Variants in STAT5B observed in about 807,000 individuals in gnomAD.
The protein encoded by STAT5B is transcription factor STAT5B.
A neutral mutation model predicts 107.8 loss-of-function variants in STAT5B; 21 were observed. The ratio of observed to expected loss-of-function variants is 0.19; its 90% CI spans 0.14 to 0.28. The LOEUF (loss-of-function observed/expected upper bound fraction) is 0.28, where lower values mean the gene tolerates loss of function less well. STAT5B is among the 10% of genes least tolerant of loss of function. The pLI is 1.00. For missense variants in STAT5B, 565 were observed against 1,008.2 expected, an observed-to-expected ratio of 0.56 and a Z score of 5.95; for synonymous variants, 325 against 401.7, an observed-to-expected ratio of 0.81 and a Z score of 2.28.
rs1311374317 is a variant in STAT5B, at chr17:42,207,495, A to G, written c.2077+63T>C. On this transcript the variant is annotated intron_variant, in intron 16 of 18. Transcript: ENST00000293328. ...ATAACACACGCAGGTATGCACACAC[A>G]CACACACACACACACACACACACAC... The G allele has an allele frequency of 1.9e-3, 2,451 of 1,305,042 alleles. 25 individuals carry two copies. In the African/African-American group the frequency reaches 0.034, roughly 18 times the overall value. The allele number at this position is 1,305,042 out of a possible 1,614,324, so 80.8% of individuals were successfully genotyped here.
chr17:42,264,655 C>A (rs1213380323), intron 1 of STAT5B, among the ~76,000 whole-genome samples: 2 of 151,760 alleles, frequency 1.3e-5, no homozygotes, highest in Non-Finnish European at 2.9e-5. Flanking sequence ...GTGAATACTG[C>A]CGCAATAAAC....
At chr17:42,265,730 T>C (rs1186679583) in intron 1 of STAT5B, among the ~76,000 whole-genome samples, 1 of 152,110 alleles carries the variant, frequency 6.6e-6, no homozygotes, top group African/African-American at 2.4e-5. Context: ...TTTCAACCAA[T>C]GAGTATGAAA....
At chr17:42,228,050 T>C (rs1341692200) in intron 2 of STAT5B, among the ~76,000 whole-genome samples, 3 of 152,124 alleles carry the variant, frequency 2.0e-5, no homozygotes, top group African/African-American at 7.2e-5. Flanking sequence ...AATTTCCTAT[T>C]TATAGTTACC....
chr17:42,276,211 C>G lies in STAT5B; in HGVS notation c.-11+37G>C, dbSNP rs2144450381. 6.8e-6 allele frequency: 1 copy of G among 147,990 alleles called. No homozygotes were observed. Among genetic ancestry groups the G allele is most frequent in the Admixed American group, 6.7e-5 (1 of 14,914 alleles). 9.2% of individuals were successfully genotyped at this position (147,990 alleles called of 1,614,324 possible). ...GGGCTGGCTCCCCGGCCTGGCTCCC[C>G]CGGCCCCGGGCCCAGGGCTCGCCCC... On this transcript the variant is annotated intron_variant, in intron 1 of 18. Transcript: ENST00000293328. The surrounding 1 kb of genome is among the most constrained non-coding windows in gnomAD (Gnocchi z 4.8).
At position 42,227,603 on chromosome 17, in the gene STAT5B, T is replaced by C. The variant is rs1274658503; in HGVS notation, c.211A>G (p.Lys71Glu). Residue 71 changes from lysine (K) to glutamate (E), a missense_variant, in exon 3 of 19, where the codon AAG becomes GAG. Transcript: ENST00000293328. Reference sequence around the variant, plus strand: ...TCTTCCCCCACCTGGTGCTCTGCCTTCTTCTGCAGCTCCTGCACCAGGCCC... The same window carrying C: ...TCTTCCCCCACCTGGTGCTCTGCCTCCTTCTGCAGCTCCTGCACCAGGCCC... The part of the protein sequence containing the change: ...LEGLVQELQK[K>E]AEHQVGEDGF... 1 of 1,613,944 alleles carries C rather than the reference T, an allele frequency of 6.2e-7. No homozygotes were observed. The highest frequency in any genetic ancestry group is 1.3e-5 in the African/African-American group (1 of 74,982).
chr17:42,202,450 G>C lies in STAT5B; in HGVS notation c.2130-3C>G, dbSNP rs746119686. On this transcript the variant is annotated splice_region_variant and splice_polypyrimidine_tract_variant and intron_variant, in intron 17 of 18. Coordinates refer to ENST00000293328, the MANE Select transcript of STAT5B (RefSeq NM_012448.4). ...CATCTGCAGATGCGTTCACAAACCT[G>C]CAGAAGGAAGAGAACAGAGCTTCAG... The C allele has an allele frequency of 6.2e-7, 1 of 1,613,818 alleles. No individual in the cohort carries two copies. Among genetic ancestry groups the C allele is most frequent in the East Asian group, 2.2e-5 (1 of 44,888 alleles).
chr17:42,217,104 A>G, intron 11 of STAT5B, 56 bp downstream of exon 11: 2 of 1,574,856 alleles, frequency 1.3e-6, no homozygotes, highest in East Asian at 2.4e-5. Flanking sequence ...TTGTAACATA[A>G]AGTACACCAC....
At chr17:42,212,491 C>T (rs1409081529) in intron 12 of STAT5B, among the ~76,000 whole-genome samples, 1 of 152,218 alleles carries the variant, frequency 6.6e-6, no homozygotes, top group East Asian at 1.9e-4. Context: ...TAACCAAGGT[C>T]TGGCTCTTAG....
chr17:42,201,747 T>G lies in STAT5B; in HGVS notation c.2355A>C (p.Ala785=), dbSNP rs2080046047. 2 of 1,604,910 alleles carry G rather than the reference T, an allele frequency of 1.2e-6. No homozygotes were observed. The highest frequency in any genetic ancestry group is 1.7e-6 in the Non-Finnish European group (2 of 1,171,610). The part of the protein sequence containing the change: ...RPMDSQWIPH[A]QS Reference sequence around the variant, plus strand: ...TGGAGAGGTCGCGGGGTCACGATTGTGCGTGCGGGATCCACTGACTGTCCA... The same window carrying G: ...TGGAGAGGTCGCGGGGTCACGATTGGGCGTGCGGGATCCACTGACTGTCCA... Residue 785 remains alanine, a synonymous_variant, in exon 19 of 19, where the codon GCA becomes GCC. Transcript: ENST00000293328.
At chr17:42,203,773 C>A (rs527813889) in intron 16 of STAT5B, among the ~76,000 whole-genome samples, 1 of 151,886 alleles carries the variant, frequency 6.6e-6, no homozygotes, top group East Asian at 1.9e-4. Context: ...ATTACAGGTG[C>A]GCACCACCAT....
At chr17:42,210,054 T>G in intron 15 of STAT5B, 117 bp downstream of exon 15, 1 of 1,467,898 alleles carries the variant, frequency 6.8e-7, no homozygotes, top group Non-Finnish European at 9.4e-7. Flanking sequence ...TATACATTTA[T>G]GTTTCCCATA....
intron 1 of STAT5B, among the ~76,000 whole-genome samples, chr17:42,244,310 T>A (rs1375130924): frequency 6.6e-6 from 1 of 150,702 alleles, no homozygotes; most frequent in East Asian, 1.9e-4. Flanking sequence ...AGGCTGGTCA[T>A]GAACTCCTGG....
In STAT5B at chr17:42,218,297, G is replaced by GT; in HGVS notation, c.1022_1023insA (p.Leu342ProfsTer35). The GT allele has an allele frequency of 6.2e-7, 1 of 1,614,002 alleles. No homozygotes were observed. Among genetic ancestry groups the GT allele is most frequent in the East Asian group, 2.2e-5 (1 of 44,868 alleles). On this transcript the variant is annotated frameshift_variant, in exon 9 of 19. Transcript: ENST00000293328. LOFTEE classifies it high-confidence loss of function. Reference sequence around the variant, plus strand: ...CTGCAAACTTGGTCTGGGTCTTCAGGACCTGAGGAGGCTGCTTCTCAATGA... The same window carrying GT: ...CTGCAAACTTGGTCTGGGTCTTCAGGTACCTGAGGAGGCTGCTTCTCAATGA...
At chr17:42,278,979 CAA>C (rs1049288377), upstream of STAT5B, among the ~76,000 whole-genome samples, 1 of 135,012 alleles carries the variant, frequency 7.4e-6, no homozygotes. Context: ...GACTCCATCT[CAA>C]AAAAAAAAAA....
chr17:42,210,864 T>C (rs2080122595), intron 13 of STAT5B, among the ~76,000 whole-genome samples: 1 of 151,986 alleles, frequency 6.6e-6, no homozygotes, highest in Non-Finnish European at 1.5e-5. Flanking sequence ...TTAAAACACC[T>C]TGGGGGTGGG....
intron 1 of STAT5B, chr17:42,269,853 G>GA (rs904076672): frequency 6.6e-6 from 1 of 151,800 alleles, no homozygotes; most frequent in African/African-American, 2.4e-5. Flanking sequence ...AAAAAAATCT[G>GA]AGACTATTTT....
At chr17:42,260,593 T>C (rs959781173) in intron 1 of STAT5B, among the ~76,000 whole-genome samples, 2 of 152,054 alleles carry the variant, frequency 1.3e-5, no homozygotes, top group African/African-American at 4.8e-5. Context: ...GTTGTTGTTG[T>C]TAGAGACTGG....
intron 2 of STAT5B, among the ~76,000 whole-genome samples, chr17:42,231,586 C>T: frequency 6.6e-6 from 1 of 152,176 alleles, no homozygotes; most frequent in East Asian, 1.9e-4. Flanking sequence ...AAGCAGTACA[C>T]CTGCCTTGGC....
intron 1 of STAT5B, among the ~76,000 whole-genome samples, chr17:42,246,791 C>T (rs1175279475): frequency 6.6e-6 from 1 of 152,162 alleles, no homozygotes. Context: ...CATTTCTAAA[C>T]ACAAACAAAC....
Sources: allele counts gnomAD v4.1 joint callset (sites outside exome capture counted in the v4.1 genomes callset), GRCh38; gene constraint gnomAD v4.1.1; non-coding constraint Gnocchi (gnomAD v3.1); transcripts MANE v1.5; gene names NCBI Gene and HGNC (gene_info 2026-07-23, HGNC 2026-07-21).